Variants in MORN5 observed in about 807,000 individuals in gnomAD.
MORN5 encodes the protein MORN repeat containing 5, also known as MORN repeat-containing protein 5.
In MORN5, 21 loss-of-function variants were observed where a neutral mutation model predicts 22.1. The ratio of observed to expected loss-of-function variants is 0.95; its 90% CI spans 0.67 to 1.37. The LOEUF (loss-of-function observed/expected upper bound fraction) is 1.37. MORN5 is among the 40% of genes most tolerant of loss of function. MORN5 has a pLI of 0.00. For missense variants in MORN5, 211 were observed against 215.1 expected (o/e 0.98, Z 0.12); for synonymous variants, 73 against 74.0 (o/e 0.99, Z 0.07).
intron 4 of MORN5, among the ~76,000 whole-genome samples, chr9:122,183,544 CAGAG>C (rs1455313912): frequency 1.3e-5 from 2 of 152,204 alleles, no homozygotes; most frequent in Non-Finnish European, 2.9e-5. Flanking sequence ...TTGTGGAAGA[CAGAG>C]AGTGAGCATC....
chr9:122,170,986 A>G (rs1373440382), intron 3 of MORN5, among the ~76,000 whole-genome samples: 2 of 152,216 alleles, frequency 1.3e-5, no homozygotes, highest in Non-Finnish European at 2.9e-5. Context: ...TAAAAAATAA[A>G]TAAGTAATAA....
At chr9:122,174,881 G>A (rs1418030809) in intron 4 of MORN5, 1 of 1,288,998 alleles carries the variant, frequency 7.8e-7, no homozygotes, top group Non-Finnish European at 9.9e-7. Flanking sequence ...AAAGGATTAA[G>A]GTACTTATTT....
At chr9:122,169,521 T>C in intron 2 of MORN5, 124 bp from the exon 3 acceptor site, 1 of 671,342 alleles carries the variant, frequency 1.5e-6, no homozygotes, top group Non-Finnish European at 2.7e-6. Context: ...ACCATAATAA[T>C]TGTGATAGTT....
At chr9:122,190,252 C>T (rs1431627372) in intron 4 of MORN5, among the ~76,000 whole-genome samples, 1 of 152,340 alleles carries the variant, frequency 6.6e-6, no homozygotes. Context: ...TTTGGAGACC[C>T]CACCTCAATT....
At chr9:122,172,450 GCTTT>G (rs1829380768) in intron 3 of MORN5, among the ~76,000 whole-genome samples, 1 of 151,894 alleles carries the variant, frequency 6.6e-6, no homozygotes, top group Non-Finnish European at 1.5e-5. Context: ...TGCGATACTT[GCTTT>G]CTTTCTGTTT....
At chr9:122,179,914 A>T (rs1829511856) in intron 4 of MORN5, among the ~76,000 whole-genome samples, 1 of 152,198 alleles carries the variant, frequency 6.6e-6, no homozygotes, top group South Asian at 2.1e-4. Flanking sequence ...TGGGCCTCAG[A>T]TGGGTGACTG....
In MORN5 at chr9:122,197,510, G is replaced by A. The variant is rs1829919768; in HGVS notation, c.440-2375G>A. On this transcript the variant is annotated intron_variant, in intron 4 of 4. Transcript: ENST00000373764. This position sits in a 1 kb window ranked among gnomAD's most constrained non-coding sequence, Gnocchi z 5.7. ...GCGTGGCAGGGCCAGGGGAGCCGCAGAGAGGCGCAGGGGAGGCGGAGGGAG... is the reference window on the plus strand; with the variant it reads ...GCGTGGCAGGGCCAGGGGAGCCGCAAAGAGGCGCAGGGGAGGCGGAGGGAG... Among the ~76,000 whole-genome samples, 1 of 152,208 alleles carries A rather than the reference G, an allele frequency of 6.6e-6. No individual in the cohort carries two copies. The highest frequency in any genetic ancestry group is 2.4e-5 in the African/African-American group (1 of 41,450).
intron 2 of MORN5, 120 bp downstream of exon 2, chr9:122,167,035 G>A (rs1829296087): frequency 2.2e-6 from 2 of 899,198 alleles, no homozygotes; most frequent in Non-Finnish European, 3.1e-6. Context: ...TCTTCTCTTT[G>A]CTTCTCCCCC....
chr9:122,188,490 T>G lies in MORN5; in HGVS notation c.440-11395T>G, dbSNP rs186217894. Among the ~76,000 whole-genome samples the G allele has an allele frequency of 2.6e-5, 4 of 152,354 alleles. No individual in the cohort carries two copies. In the East Asian group the frequency reaches 7.7e-4, roughly 29 times the overall value. On this transcript the variant is annotated intron_variant, in intron 4 of 4. Coordinates refer to ENST00000373764, the MANE Select transcript of MORN5 (RefSeq NM_198469.4). ...TAGTCTTAATTCAGCCTTCAACATT[T>G]GCCAACTGGACAACAGGCTCCCGCC...
intron 3 of MORN5, among the ~76,000 whole-genome samples, chr9:122,170,517 G>C (rs926872481): frequency 5.9e-5 from 9 of 152,222 alleles, no homozygotes; most frequent in African/African-American, 1.2e-4. Context: ...AGTACTGACA[G>C]AGCATGTGCT....
chr9:122,175,745 G>A, intron 4 of MORN5: 3 of 964,650 alleles, frequency 3.1e-6, no homozygotes, highest in East Asian at 1.1e-4. Flanking sequence ...TGGTGAATGA[G>A]AGCATCCTCT....
At chr9:122,194,821 A>G (rs1489446761) in intron 4 of MORN5, among the ~76,000 whole-genome samples, 2 of 152,122 alleles carry the variant, frequency 1.3e-5, no homozygotes, top group East Asian at 3.9e-4. Context: ...GGAGTTTGAA[A>G]CCAGCCTGGC....
chr9:122,167,054 C>T, intron 2 of MORN5, 139 bp downstream of exon 2: 2 of 724,236 alleles, frequency 2.8e-6, no homozygotes, highest in Non-Finnish European at 2.0e-6. Context: ...CCACTCCCCC[C>T]ACTTTTTTTT....
chr9:122,175,803 C>A, intron 4 of MORN5: 1 of 697,258 alleles, frequency 1.4e-6, no homozygotes, highest in Non-Finnish European at 1.8e-6. Flanking sequence ...CAGAAAGGTG[C>A]CTCATGGGGC....
chr9:122,167,020 T>G, intron 2 of MORN5, 105 bp downstream of exon 2: 1 of 1,104,408 alleles, frequency 9.1e-7, no homozygotes, highest in Non-Finnish European at 1.3e-6. Context: ...CCTTGTTCCA[T>G]TCACTCTTCT....
chr9:122,166,444 C>G (rs1318563207), intron 1 of MORN5, among the ~76,000 whole-genome samples: 1 of 151,890 alleles, frequency 6.6e-6, no homozygotes, highest in East Asian at 1.9e-4. Context: ...CTCTAGTGTC[C>G]ACAGTTTTTA....
intron 1 of MORN5, among the ~76,000 whole-genome samples, chr9:122,160,309 T>C (rs1472496596): frequency 6.6e-6 from 1 of 152,214 alleles, no homozygotes; most frequent in African/African-American, 2.4e-5. Flanking sequence ...TATAATCCAG[T>C]TGGAGATGTA....
At chr9:122,194,257 C>A (rs2118787983) in intron 4 of MORN5, among the ~76,000 whole-genome samples, 1 of 152,280 alleles carries the variant, frequency 6.6e-6, no homozygotes, top group Non-Finnish European at 1.5e-5. Flanking sequence ...CCAATTCATT[C>A]ATTAATTCAA....
intron 1 of MORN5, among the ~76,000 whole-genome samples, chr9:122,162,621 T>C (rs541195700): frequency 6.6e-6 from 1 of 152,308 alleles, no homozygotes; most frequent in Non-Finnish European, 1.5e-5. Flanking sequence ...TATCCATTCA[T>C]TGGAATACTA....
Sources: allele counts gnomAD v4.1 joint callset (sites outside exome capture counted in the v4.1 genomes callset), GRCh38; gene constraint gnomAD v4.1.1; non-coding constraint Gnocchi (gnomAD v3.1); transcripts MANE v1.5; gene names NCBI Gene and HGNC (gene_info 2026-07-23, HGNC 2026-07-21).